Variants in GXYLT2 observed in about 807,000 individuals in gnomAD.
GXYLT2 encodes the protein glycosyltransferase 8 domain containing 4.
GXYLT2 carries 53 observed loss-of-function variants against 45.8 expected under a neutral mutation model. That is an observed-to-expected ratio of 1.16 (90% CI 0.93 to 1.46). GXYLT2 has a LOEUF of 1.46. Ranked by LOEUF, GXYLT2 falls within the 40% of genes most tolerant of loss-of-function variation. The probability of loss-of-function intolerance (pLI) is 0.00; values close to 1 mark genes in which losing one functional copy is unlikely to be tolerated. For missense variants in GXYLT2, 551 were observed against 544.4 expected (o/e 1.01, Z -0.12); for synonymous variants, 219 against 214.2 (o/e 1.02, Z -0.19).
chr3:72,948,882 G>C (rs1478533125), intron 3 of GXYLT2, among the ~76,000 whole-genome samples: 1 of 151,860 alleles, frequency 6.6e-6, no homozygotes, highest in Admixed American at 6.6e-5. Context: ...TGTGAGGAGT[G>C]GATTGGAGGG....
At chr3:72,972,496 C>T (rs896143125) in intron 6 of GXYLT2, among the ~76,000 whole-genome samples, 1 of 151,686 alleles carries the variant, frequency 6.6e-6, no homozygotes, top group Non-Finnish European at 1.5e-5. Flanking sequence ...CAGAAATCAG[C>T]CGGGCGTGGT....
intron 3 of GXYLT2, among the ~76,000 whole-genome samples, chr3:72,934,394 AT>A (rs1305524401): frequency 3.3e-5 from 5 of 152,030 alleles, no homozygotes; most frequent in Non-Finnish European, 4.4e-5. Flanking sequence ...CTGATAATTA[AT>A]TTTTTTAATA....
rs142406220 is a variant in GXYLT2, at chr3:72,896,597, C to T, written c.275+8089C>T. On this transcript the variant is annotated intron_variant, in intron 1 of 6. Transcript: ENST00000389617. ...GGCGCGGTGGCTTAAGACTGTAATCCCAGCACTTTGGGAGGCTGAGGCGGG... is the reference window on the plus strand; with the variant it reads ...GGCGCGGTGGCTTAAGACTGTAATCTCAGCACTTTGGGAGGCTGAGGCGGG... 6.5e-3 allele frequency among the ~76,000 whole-genome samples: 989 copies of T among 152,082 alleles called. 13 individuals are homozygous for T. Among genetic ancestry groups the T allele is most frequent in the African/African-American group, 0.023 (944 of 41,476 alleles).
At chr3:72,935,933 A>C (rs1710167802) in intron 3 of GXYLT2, among the ~76,000 whole-genome samples, 1 of 152,140 alleles carries the variant, frequency 6.6e-6, no homozygotes, top group Admixed American at 6.5e-5. Flanking sequence ...ATACTACTCA[A>C]AGGGGACGTG....
intron 6 of GXYLT2, among the ~76,000 whole-genome samples, chr3:72,968,546 C>G (rs1170857306): frequency 6.6e-6 from 1 of 152,202 alleles, no homozygotes; most frequent in Non-Finnish European, 1.5e-5. Context: ...CCCAGTCTTC[C>G]ATTTTTCCCC....
chr3:72,891,104 G>A (rs1170486091), intron 1 of GXYLT2, among the ~76,000 whole-genome samples: 9 of 152,072 alleles, frequency 5.9e-5, no homozygotes, highest in Admixed American at 5.9e-4. Context: ...TGGTTTAGGA[G>A]GAATTTCATT....
intron 3 of GXYLT2, among the ~76,000 whole-genome samples, chr3:72,954,399 C>CTGTGTGTGTGTGTGTGTGTGTGTG (rs3078688): frequency 2.4e-4 from 32 of 133,890 alleles, no homozygotes; most frequent in African/African-American, 9.4e-4. Context: ...TGCTCCCAGC[C>CTGTGTGTGTGTGTGTGTGTGTGTG]TGTGTGTGTG....
At chr3:72,942,006 C>T (rs1247178553) in intron 3 of GXYLT2, among the ~76,000 whole-genome samples, 1 of 152,016 alleles carries the variant, frequency 6.6e-6, no homozygotes, top group Admixed American at 6.6e-5. Context: ...TGGCTGAAGG[C>T]AGGGAAAATG....
intron 3 of GXYLT2, among the ~76,000 whole-genome samples, chr3:72,945,266 C>T (rs150727313): frequency 6.0e-5 from 9 of 150,886 alleles, no homozygotes; most frequent in Admixed American, 3.3e-4. Flanking sequence ...CCAGCCTGGG[C>T]GACTGAGCAA....
At chr3:72,937,635 T>TAGTC (rs1297126329) in intron 3 of GXYLT2, among the ~76,000 whole-genome samples, 1 of 152,222 alleles carries the variant, frequency 6.6e-6, no homozygotes, top group Non-Finnish European at 1.5e-5. Flanking sequence ...TCCTAAAGAA[T>TAGTC]AGTCATTCTG....
At chr3:72,912,002 T>C (rs1424689113) in intron 2 of GXYLT2, among the ~76,000 whole-genome samples, 3 of 128,302 alleles carry the variant, frequency 2.3e-5, no homozygotes, top group East Asian at 2.0e-4. Flanking sequence ...TGTATATATA[T>C]ATATATATAT....
chr3:72,898,191 T>C (rs768123755), intron 1 of GXYLT2, among the ~76,000 whole-genome samples: 1 of 152,160 alleles, frequency 6.6e-6, no homozygotes, highest in African/African-American at 2.4e-5. Context: ...AAATTAAAAA[T>C]CCCTTGATGG....
rs544765985 is a variant in GXYLT2 at position 72,918,323 on chromosome 3, T to C, written c.469-3881T>C. 2.0e-5 allele frequency among the ~76,000 whole-genome samples: 3 copies of C among 152,326 alleles called. No homozygotes were observed. The East Asian group carries it at 5.8e-4, about 29-fold the overall frequency. On this transcript the variant is annotated intron_variant, in intron 2 of 6. Coordinates refer to ENST00000389617, the MANE Select transcript of GXYLT2 (RefSeq NM_001080393.2). ...TTTGCTGACCCCAGTTCTATGACAT[T>C]ATCACTAATGACTACATTGCATTCT...
At chr3:72,927,024 A>G (rs1047622418) in intron 3 of GXYLT2, 2 of 152,032 alleles carry the variant, frequency 1.3e-5, no homozygotes, top group Admixed American at 6.6e-5. Context: ...TGCAGCGTCA[A>G]CCTCCTGGGC....
chr3:72,910,749 T>G (rs539783132), intron 2 of GXYLT2, among the ~76,000 whole-genome samples: 2 of 152,316 alleles, frequency 1.3e-5, no homozygotes, highest in South Asian at 4.1e-4. Flanking sequence ...CCGCCTTTCA[T>G]TCCCTCAGTG....
At chr3:72,909,062 C>T (rs911201836) in intron 2 of GXYLT2, among the ~76,000 whole-genome samples, 16 of 91,130 alleles carry the variant, frequency 1.8e-4, no homozygotes, top group East Asian at 3.2e-4. Flanking sequence ...TTCTTCCTTT[C>T]TTTTTTTTTT....
intron 5 of GXYLT2, among the ~76,000 whole-genome samples, chr3:72,962,662 G>A (rs1292230958): frequency 6.6e-6 from 1 of 152,194 alleles, no homozygotes; most frequent in African/African-American, 2.4e-5. Context: ...GGCAACAGAT[G>A]AGTTAAACAA....
Position 72,976,684 on chromosome 3 carries a change from A to T in GXYLT2, c.*1525A>T, listed in dbSNP as rs1056935646. ...GTATCAGCATAGCAATATTTTGCAT[A>T]ATGCTTTATTTTTCTCAAATGACTA... On this transcript the variant is annotated 3_prime_UTR_variant, in exon 7 of 7. Coordinates refer to ENST00000389617, the MANE Select transcript of GXYLT2 (RefSeq NM_001080393.2). 4.6e-5 allele frequency: 7 copies of T among 152,192 alleles called. No individual in the cohort carries two copies. Among genetic ancestry groups the T allele is most frequent in the African/African-American group, 1.4e-4 (6 of 41,448 alleles). The allele number at this position is 152,192 out of a possible 1,614,324, so 9.4% of individuals were successfully genotyped here.
intron 3 of GXYLT2, among the ~76,000 whole-genome samples, chr3:72,937,128 TATTC>T (rs1710201103): frequency 6.6e-6 from 1 of 152,220 alleles, no homozygotes; most frequent in African/African-American, 2.4e-5. Context: ...ACTATTTGAC[TATTC>T]TGAGTTTCCC....
Sources: allele counts gnomAD v4.1 joint callset (sites outside exome capture counted in the v4.1 genomes callset), GRCh38; gene constraint gnomAD v4.1.1; transcripts MANE v1.5; gene names NCBI Gene and HGNC (gene_info 2026-07-23, HGNC 2026-07-21).